RBM6: variants seen among roughly 807,000 people sequenced by gnomAD.
RBM6 encodes the protein RNA binding motif protein 6.
A neutral mutation model predicts 140.4 loss-of-function variants in RBM6; 23 were observed. That is an observed-to-expected ratio of 0.16 (90% CI 0.12 to 0.23). RBM6 has a LOEUF of 0.23. Among genes scored for constraint, RBM6 ranks in the 10% least tolerant of loss-of-function variants. The pLI is 1.00. For synonymous variants in RBM6, 439 were observed against 475.6 expected, an observed-to-expected ratio of 0.92 and a Z score of 1.00; for missense variants, 1,139 against 1,386.7, an observed-to-expected ratio of 0.82 and a Z score of 2.84.
chr3:49,940,859 G>T lies in RBM6; in HGVS notation c.-67+634G>T, dbSNP rs566864252. The T allele has an allele frequency of 2.0e-5, 3 of 148,578 alleles. No homozygotes were observed. In the East Asian group the frequency reaches 5.9e-4, roughly 29 times the overall value. The allele number at this position is 148,578 out of a possible 1,614,324, so 9.2% of individuals were successfully genotyped here. On this transcript the variant is annotated intron_variant, in intron 1 of 20. Transcript: ENST00000266022. The stretch of plus-strand genomic sequence containing the variant: ...TTTTTCTCTTTATTTTAGAATTGAC[G>T]TTAGGCGAATGGGTTCAACTTTGGG...
At chr3:50,043,882 T>G (rs1224917209) in intron 6 of RBM6, among the ~76,000 whole-genome samples, 1 of 30,694 alleles carries the variant, frequency 3.3e-5, no homozygotes, top group African/African-American at 1.0e-4. Context: ...GTGCCCAGCC[T>G]TTTTTTTTTT....
chr3:50,039,075 TG>T (rs1489633509), intron 6 of RBM6, among the ~76,000 whole-genome samples: 2 of 144,364 alleles, frequency 1.4e-5, no homozygotes, highest in Non-Finnish European at 3.0e-5. Flanking sequence ...TTCATTGCTA[TG>T]TGATTGGAAT....
chr3:49,987,167 G>T (rs1281238480), intron 5 of RBM6, among the ~76,000 whole-genome samples: 1 of 151,806 alleles, frequency 6.6e-6, no homozygotes, highest in Non-Finnish European at 1.5e-5. Flanking sequence ...CTGCTTCTCG[G>T]GTTCAAGCAA....
intron 5 of RBM6, among the ~76,000 whole-genome samples, chr3:49,989,994 G>T (rs1000266079): frequency 1.8e-4 from 28 of 152,094 alleles, no homozygotes; most frequent in African/African-American, 6.3e-4. Context: ...TGATCTGCCC[G>T]CCTTGGCTTC....
At chr3:49,996,121 C>G (rs1303813718) in intron 5 of RBM6, among the ~76,000 whole-genome samples, 1 of 152,160 alleles carries the variant, frequency 6.6e-6, no homozygotes, top group Non-Finnish European at 1.5e-5. Flanking sequence ...CAGTTTGTCT[C>G]CTTTTCTAAG....
intron 20 of RBM6, among the ~76,000 whole-genome samples, chr3:50,076,267 C>G (rs1210841857): frequency 6.6e-6 from 1 of 150,940 alleles, no homozygotes; most frequent in African/African-American, 2.4e-5. Context: ...CTGTGCCCGG[C>G]CAAAAGATTC....
chr3:49,987,837 C>T (rs774626142), intron 5 of RBM6, among the ~76,000 whole-genome samples: 10 of 152,088 alleles, frequency 6.6e-5, no homozygotes, highest in Non-Finnish European at 1.0e-4. Flanking sequence ...TGGGGTTTTG[C>T]CGTGTAGGCC....
chr3:50,034,911 T>C (rs901124412), intron 6 of RBM6, among the ~76,000 whole-genome samples: 1 of 152,130 alleles, frequency 6.6e-6, no homozygotes, highest in Non-Finnish European at 1.5e-5. Context: ...CTTTGTCCCT[T>C]TCACTAATTT....
chr3:50,014,449 AAAAAC>A (rs2087012487), intron 6 of RBM6, among the ~76,000 whole-genome samples: 1 of 152,364 alleles, frequency 6.6e-6, no homozygotes, highest in East Asian at 1.9e-4. Context: ...AATTACTAGA[AAAAAC>A]AAACAAGTTG....
intron 19 of RBM6, among the ~76,000 whole-genome samples, chr3:50,073,003 C>T (rs908536300): frequency 1.3e-5 from 2 of 152,202 alleles, no homozygotes; most frequent in Non-Finnish European, 2.9e-5. Context: ...CTTCTTTGGT[C>T]TTGCTGCTCT....
chr3:50,059,499 C>T (rs1298154554), intron 10 of RBM6, 150 bp from the exon 11 acceptor site: 2 of 589,552 alleles, frequency 3.4e-6, no homozygotes, highest in Non-Finnish European at 5.8e-6. Context: ...CCAGTATGCT[C>T]TTACTGTTAA....
At chr3:50,061,046 T>C (rs2108920084) in intron 12 of RBM6, 48 bp downstream of exon 12, 1 of 1,604,754 alleles carries the variant, frequency 6.2e-7, no homozygotes, top group South Asian at 1.1e-5. Context: ...CTCAGGTGAC[T>C]ATAAGGGTGA....
rs111797449 is a variant in RBM6 at position 49,978,064 on chromosome 3, G to A, written c.1483+2672G>A. On this transcript the variant is annotated intron_variant, in intron 5 of 20. Transcript: ENST00000266022. ...TGCCCAGGTTGGAGTGCATTGGTAC[G>A]ATCATAGCTTACTGTAACCTCAAAC... is the stretch of plus-strand genomic sequence containing the variant. Among the ~76,000 whole-genome samples the A allele has an allele frequency of 3.4e-3, 524 of 152,254 alleles. 5 individuals carry two copies. The highest frequency in any genetic ancestry group is 0.012 in the African/African-American group (491 of 41,552).
Position 49,965,364 on chromosome 3 carries a change from T to G in RBM6, c.45-2106T>G, listed in dbSNP as rs189564020. The stretch of plus-strand genomic sequence containing the variant: ...TAACATCTTAATTTTAGTGTTAAAT[T>G]GTATTGCCTAAGAAGAACATCTAGG... On this transcript the variant is annotated intron_variant, in intron 2 of 20. Transcript: ENST00000266022. 2.6e-3 allele frequency among the ~76,000 whole-genome samples: 398 copies of G among 152,324 alleles called. 1 individual carries two copies. Among genetic ancestry groups the G allele is most frequent in the African/African-American group, 9.1e-3 (378 of 41,576 alleles).
At position 49,968,210 on chromosome 3, in the gene RBM6, G is replaced by C. The variant is rs773121331; in HGVS notation, c.785G>C (p.Arg262Pro). 1.9e-6 allele frequency: 3 copies of C among 1,614,124 alleles called. No homozygotes were observed. Among genetic ancestry groups the C allele is most frequent in the East Asian group, 2.2e-5 (1 of 44,886 alleles). Residue 262 changes from arginine (R) to proline (P), a missense_variant, in exon 3 of 21, where the codon CGA (arginine) becomes CCA (proline). Around this residue, in one of 9 missense-constraint regions of RBM6, gnomAD observed 566 missense variants for 612.7 expected, o/e 0.92. Transcript: ENST00000266022. ...TPHSDFRGRH[R>P]SRTDQDFRGR... Reference sequence around the variant, plus strand: ...CATTCAGATTTCAGAGGTAGACACCGATCTAGGACTGATCAGGATTTTAGG... The same window carrying C: ...CATTCAGATTTCAGAGGTAGACACCCATCTAGGACTGATCAGGATTTTAGG...
Position 49,992,797 on chromosome 3 carries a change from C to T in RBM6, c.1484-6643C>T, listed in dbSNP as rs1478801076. On this transcript the variant is annotated intron_variant, in intron 5 of 20. Transcript: ENST00000266022. The stretch of plus-strand genomic sequence containing the variant: ...TGGGACCTCTGTTTTTTTGGTGTCA[C>T]CTCTCTGCATAGACAGTTCTGCAGT... Among the ~76,000 whole-genome samples, 4 of 152,148 alleles carry T rather than the reference C, an allele frequency of 2.6e-5. No homozygotes were observed. In the East Asian group the frequency reaches 5.8e-4, roughly 22 times the overall value.
intron 7 of RBM6, among the ~76,000 whole-genome samples, chr3:50,053,236 T>C (rs2089550658): frequency 6.6e-6 from 1 of 152,032 alleles, no homozygotes; most frequent in Non-Finnish European, 1.5e-5. Flanking sequence ...GTATGTACTA[T>C]TTAAGAATTA....
chr3:49,982,262 CTTTTTTTTTTTTT>C (rs751604271), intron 5 of RBM6, among the ~76,000 whole-genome samples: 7 of 68,396 alleles, frequency 1.0e-4, no homozygotes, highest in South Asian at 4.9e-4. Context: ...CTTTTCTTTT[CTTTTTTTTTTTTT>C]TTTTTTTTTT....
At chr3:49,999,578 G>C in intron 6 of RBM6, 65 bp downstream of exon 6, 1,444 of 1,163,876 alleles carry the variant, frequency 1.2e-3, no homozygotes, top group Non-Finnish European at 1.7e-3. Flanking sequence ...GGGAGGGAGG[G>C]TTTCAAATGA....
Sources: gnomAD v4.1 joint callset for allele counts (sites outside exome capture counted in the v4.1 genomes callset) on GRCh38, gnomAD v4.1.1 for gene constraint, gnomAD v4.1.1 regional missense constraint, MANE v1.5 for transcripts, NCBI Gene and HGNC (gene_info 2026-07-23, HGNC 2026-07-21) for gene names.